SIAH3: variants seen among roughly 807,000 people sequenced by gnomAD.
SIAH3 encodes siah E3 ubiquitin protein ligase family member 3, also known as seven in absentia homolog 3.
Under a neutral mutation model 12.6 loss-of-function variants are expected in SIAH3, and 9 were observed. The observed-to-expected ratio is 0.72, with a 90% confidence interval of 0.43 to 1.25. SIAH3 has a LOEUF of 1.25. Among genes scored for constraint, SIAH3 ranks in the 50% most tolerant of loss-of-function variants. The pLI is 0.00. For missense variants in SIAH3, 390 were observed against 365.4 expected (o/e 1.07, Z -0.55); for synonymous variants, 154 against 151.1 (o/e 1.02, Z -0.14).
chr13:45,798,747 T>C (rs1180698139), intron 1 of SIAH3, among the ~76,000 whole-genome samples: 1 of 152,212 alleles, frequency 6.6e-6, no homozygotes, highest in East Asian at 1.9e-4. Flanking sequence ...CCTGAACCAC[T>C]TCTGGTTTGG....
At chr13:45,826,878 C>T (rs1950680006) in intron 1 of SIAH3, among the ~76,000 whole-genome samples, 2 of 152,126 alleles carry the variant, frequency 1.3e-5, no homozygotes, top group South Asian at 4.2e-4. Context: ...CAGATTGACA[C>T]CCAGACCAAC....
At position 45,814,238 on chromosome 13, in the gene SIAH3, C is replaced by CAAAAA. The variant is rs56377017; in HGVS notation, c.136-30186_136-30182dup. On this transcript the variant is annotated intron_variant, in intron 1 of 1. Coordinates refer to ENST00000400405, the MANE Select transcript of SIAH3 (RefSeq NM_198849.3). ...TGGGTGACTGAGCAAGACTCTGTCTCAAAAAAAAAAAAAAAAAAAAAAATA... is the reference window on the plus strand; with the variant it reads ...TGGGTGACTGAGCAAGACTCTGTCTCAAAAAAAAAAAAAAAAAAAAAAAAAAAATA... Among the ~76,000 whole-genome samples the CAAAAA allele has an allele frequency of 1.0e-3, 76 of 72,682 alleles. 1 individual carries two copies. Among genetic ancestry groups the CAAAAA allele is most frequent in the African/African-American group, 4.5e-3 (72 of 15,986 alleles). 47.7% of individuals were successfully genotyped at this position (72,682 alleles called of 152,430 possible).
At position 45,834,444 on chromosome 13, in the gene SIAH3, G is replaced by A. The variant is rs79927341; in HGVS notation, c.135+17051C>T. 8.3e-3 allele frequency among the ~76,000 whole-genome samples: 1,260 copies of A among 152,292 alleles called. 16 individuals are homozygous for A. The highest frequency in any genetic ancestry group is 0.029 in the African/African-American group (1,207 of 41,564). On this transcript the variant is annotated intron_variant, in intron 1 of 1. Coordinates refer to ENST00000400405, the MANE Select transcript of SIAH3 (RefSeq NM_198849.3). ...GAAAAGAAGGGAGAATATCCCCTGG[G>A]CCTCAAATTTCACTGAAATTCAGAA...
At chr13:45,815,377 GA>G (rs2137566765) in intron 1 of SIAH3, among the ~76,000 whole-genome samples, 1 of 152,206 alleles carries the variant, frequency 6.6e-6, no homozygotes, top group Admixed American at 6.5e-5. Context: ...TCCTGAGGAA[GA>G]AGGAATTCTG....
intron 1 of SIAH3, among the ~76,000 whole-genome samples, chr13:45,813,960 C>T (rs117581685): frequency 0.016 from 2,505 of 152,248 alleles, 28 homozygotes; most frequent in Middle Eastern, 0.051. Context: ...GTCCATAGGC[C>T]GGGCACAGTG....
At chr13:45,805,175 G>A (rs1950594683) in intron 1 of SIAH3, among the ~76,000 whole-genome samples, 1 of 152,078 alleles carries the variant, frequency 6.6e-6, no homozygotes, top group South Asian at 2.1e-4. Flanking sequence ...CAGATTCAAT[G>A]CTATTCCTAT....
chr13:45,797,464 G>T (rs770213586), intron 1 of SIAH3, among the ~76,000 whole-genome samples: 7 of 152,144 alleles, frequency 4.6e-5, no homozygotes, highest in Non-Finnish European at 1.0e-4. Flanking sequence ...CAGCTTCAAC[G>T]GATCCAAAGC....
intron 1 of SIAH3, among the ~76,000 whole-genome samples, chr13:45,841,947 C>T (rs571944985): frequency 6.6e-6 from 1 of 152,312 alleles, no homozygotes; most frequent in South Asian, 2.1e-4. Flanking sequence ...GCCATGGGGA[C>T]ATATTAGAGA....
At chr13:45,845,266 G>T (rs1950754882) in intron 1 of SIAH3, among the ~76,000 whole-genome samples, 2 of 89,334 alleles carry the variant, frequency 2.2e-5, no homozygotes, top group Admixed American at 1.3e-4. Context: ...CATTGTGCGT[G>T]TGTTAAAAAC....
chr13:45,834,084 G>A (rs961314812), intron 1 of SIAH3, among the ~76,000 whole-genome samples: 8 of 151,718 alleles, frequency 5.3e-5, no homozygotes, highest in Middle Eastern at 3.5e-3. Context: ...TCTCATTCCC[G>A]GAATTCTAAT....
intron 1 of SIAH3, among the ~76,000 whole-genome samples, chr13:45,839,618 G>A (rs1950732360): frequency 6.6e-6 from 1 of 151,212 alleles, no homozygotes; most frequent in African/African-American, 2.4e-5. Context: ...GGATCACAAG[G>A]TCAGGAGATC....
chr13:45,850,299 C>A (rs1398261863), intron 1 of SIAH3, among the ~76,000 whole-genome samples: 1 of 152,144 alleles, frequency 6.6e-6, no homozygotes, highest in Non-Finnish European at 1.5e-5. Flanking sequence ...CGCTGACCTG[C>A]GGGGCTCCAG....
chr13:45,811,175 G>T (rs145556036), intron 1 of SIAH3, among the ~76,000 whole-genome samples: 93 of 152,286 alleles, frequency 6.1e-4, no homozygotes, highest in African/African-American at 2.1e-3. Context: ...TTAAAACTTT[G>T]GCATATTGCC....
intron 1 of SIAH3, among the ~76,000 whole-genome samples, chr13:45,832,961 T>C (rs1177315572): frequency 2.0e-5 from 3 of 152,260 alleles, no homozygotes; most frequent in Non-Finnish European, 2.9e-5. Flanking sequence ...GGGACTTTGA[T>C]GCATGTGCCT....
intron 1 of SIAH3, among the ~76,000 whole-genome samples, chr13:45,795,965 A>G (rs1950561152): frequency 6.6e-6 from 1 of 152,242 alleles, no homozygotes; most frequent in Admixed American, 6.5e-5. Flanking sequence ...TAAAAAAGCT[A>G]GACACAGAAG....
chr13:45,850,591 C>T (rs2137589166), intron 1 of SIAH3, among the ~76,000 whole-genome samples: 1 of 152,222 alleles, frequency 6.6e-6, no homozygotes, highest in Non-Finnish European at 1.5e-5. Flanking sequence ...GCCCCCACCT[C>T]CCTGACTTCC....
chr13:45,833,710 CA>C (rs1452059115), intron 1 of SIAH3, among the ~76,000 whole-genome samples: 1 of 152,138 alleles, frequency 6.6e-6, no homozygotes, highest in Non-Finnish European at 1.5e-5. Context: ...GGTTTTGCAA[CA>C]GGGGGACAGA....
At chr13:45,842,188 TAA>T (rs1423749680) in intron 1 of SIAH3, among the ~76,000 whole-genome samples, 1 of 152,138 alleles carries the variant, frequency 6.6e-6, no homozygotes, top group Non-Finnish European at 1.5e-5. Flanking sequence ...ACAGTTGGAG[TAA>T]AAGTTTGGTC....
At chr13:45,830,465 G>A (rs572709735) in intron 1 of SIAH3, among the ~76,000 whole-genome samples, 5 of 152,352 alleles carry the variant, frequency 3.3e-5, no homozygotes, top group Non-Finnish European at 7.3e-5. Flanking sequence ...GTGGGGTAGG[G>A]GCACAGCCCG....
Sources: allele counts gnomAD v4.1 joint callset (sites outside exome capture counted in the v4.1 genomes callset), GRCh38; gene constraint gnomAD v4.1.1; transcripts MANE v1.5; gene names NCBI Gene and HGNC (gene_info 2026-07-23, HGNC 2026-07-21).